Variants in KAZN observed in about 807,000 individuals in gnomAD.
KAZN encodes the protein kazrin, periplakin interacting protein.
Under a neutral mutation model 87.4 loss-of-function variants are expected in KAZN, and 40 were observed. The observed-to-expected ratio is 0.46, with a 90% CI of 0.36 to 0.60. The LOEUF is 0.60. Among genes scored for constraint, KAZN ranks in the 20% least tolerant of loss-of-function variants. The probability of loss-of-function intolerance (pLI) is 0.00; values close to 1 mark genes in which losing one functional copy is unlikely to be tolerated. For missense variants in KAZN, 898 were observed against 1,073.9 expected (o/e 0.84, Z 2.29); for synonymous variants, 466 against 458.3 (o/e 1.02, Z -0.22).
chr1:14,568,457 C>A (rs1674668196), intron 2 of KAZN, among the ~76,000 whole-genome samples: 1 of 152,182 alleles, frequency 6.6e-6, no homozygotes, highest in Admixed American at 6.5e-5. Context: ...GCTTCACAAT[C>A]ATGGTGGAAG....
At chr1:14,416,301 C>A (rs978281918) in intron 2 of KAZN, among the ~76,000 whole-genome samples, 1 of 152,112 alleles carries the variant, frequency 6.6e-6, no homozygotes, top group Non-Finnish European at 1.5e-5. Context: ...GGACTTGGCA[C>A]TGATGGATTG....
chr1:15,018,600 T>TAAAA (rs3037647), intron 2 of KAZN, among the ~76,000 whole-genome samples: 204 of 146,636 alleles, frequency 1.4e-3, no homozygotes, highest in East Asian at 0.011. Flanking sequence ...GGAGTTGATT[T>TAAAA]AAAAAAAAAA....
chr1:14,914,472 C>T (rs958973632), intron 1 of KAZN, among the ~76,000 whole-genome samples: 14 of 152,356 alleles, frequency 9.2e-5, no homozygotes, highest in African/African-American at 2.9e-4. Flanking sequence ...TACACAGGGG[C>T]TCTTACTCTA....
rs115558271 is a variant in KAZN, at chr1:14,416,194, T to C, written c.250-182789T>C. ...CATTCAGGGATTCCCTGGACAGAAT[T>C]AGGAGCTAAGCACCCCCTGATTATG... On this transcript the variant is annotated intron_variant, in intron 2 of 16. Transcript: ENST00000636203. Among the ~76,000 whole-genome samples the C allele has an allele frequency of 8.2e-3, 1,252 of 152,296 alleles. 16 individuals are homozygous for C. Among genetic ancestry groups the C allele is most frequent in the African/African-American group, 0.028 (1,161 of 41,554 alleles).
intron 1 of KAZN, among the ~76,000 whole-genome samples, chr1:14,109,227 T>C (rs1032046325): frequency 6.6e-6 from 1 of 152,214 alleles, no homozygotes; most frequent in African/African-American, 2.4e-5. Flanking sequence ...CAGGTGTTCC[T>C]AGTCCATTCT....
At chr1:14,186,457 A>C (rs922051707) in intron 2 of KAZN, among the ~76,000 whole-genome samples, 11 of 152,148 alleles carry the variant, frequency 7.2e-5, no homozygotes, top group African/African-American at 2.7e-4. Flanking sequence ...AAAAGATAGG[A>C]GAGAGGGTAG....
intron 2 of KAZN, among the ~76,000 whole-genome samples, chr1:14,188,220 TG>T (rs1646351360): frequency 7.1e-6 from 1 of 140,212 alleles, no homozygotes; most frequent in African/African-American, 2.6e-5. Flanking sequence ...TGTGTGTGTG[TG>T]TGTGTGTGTG....
At chr1:14,870,286 G>A (rs1338033724) in intron 1 of KAZN, among the ~76,000 whole-genome samples, 1 of 152,194 alleles carries the variant, frequency 6.6e-6, no homozygotes, top group African/African-American at 2.4e-5. Flanking sequence ...CACTTGCTGT[G>A]TGACTTTGAA....
intron 8 of KAZN, among the ~76,000 whole-genome samples, chr1:15,082,495 A>G (rs1174903894): frequency 1.3e-5 from 2 of 152,210 alleles, no homozygotes; most frequent in Admixed American, 6.5e-5. Flanking sequence ...ATAGTAAAAG[A>G]AGAAAAAAAA....
intron 2 of KAZN, among the ~76,000 whole-genome samples, chr1:14,277,731 A>G (rs1298253884): frequency 6.6e-6 from 1 of 151,326 alleles, no homozygotes; most frequent in Admixed American, 6.6e-5. Flanking sequence ...CTCAGTTTTG[A>G]TATTTATTAA....
At chr1:14,234,802 A>C (rs893718369) in intron 2 of KAZN, among the ~76,000 whole-genome samples, 9 of 152,258 alleles carry the variant, frequency 5.9e-5, no homozygotes, top group Non-Finnish European at 1.3e-4. Context: ...TTGCCTATGC[A>C]ACCTTTTGGC....
Position 15,094,944 on chromosome 1 carries a change from C to G in KAZN, c.1547+11C>G, listed in dbSNP as rs775653981. The G allele has an allele frequency of 4.6e-6, 7 of 1,537,506 alleles. No individual in the cohort carries two copies. The highest frequency in any genetic ancestry group is 1.7e-4 in the Middle Eastern group (1 of 5,862). The stretch of plus-strand genomic sequence containing the variant: ...CGAGGCAGGCCGCAGGTGAGCCCAC[C>G]ACGAGGGGCCCCGGGGGAGGAGAGA... On this transcript the variant is annotated intron_variant, in intron 10 of 14. Coordinates refer to ENST00000376030, the MANE Select transcript of KAZN (RefSeq NM_201628.3). The surrounding 1 kb of genome is among the most constrained non-coding windows in gnomAD (Gnocchi z 4.5).
At chr1:14,270,109 G>A (rs916513942) in intron 2 of KAZN, among the ~76,000 whole-genome samples, 2 of 152,126 alleles carry the variant, frequency 1.3e-5, no homozygotes, top group African/African-American at 4.8e-5. Flanking sequence ...TACCACACTG[G>A]GGGTCAGATT....
chr1:14,086,783 C>G (rs780138813), intron 1 of KAZN, among the ~76,000 whole-genome samples: 2 of 152,026 alleles, frequency 1.3e-5, no homozygotes, highest in African/African-American at 4.8e-5. Context: ...TCCAATTGTT[C>G]GAGGATAATT....
chr1:13,894,643 C>T (rs114220668), intron 1 of KAZN, among the ~76,000 whole-genome samples: 4 of 152,260 alleles, frequency 2.6e-5, no homozygotes, highest in East Asian at 3.9e-4. Flanking sequence ...GATGGTGAGA[C>T]GAGCACTGTA....
At chr1:14,688,320 G>A (rs1433568154) in intron 1 of KAZN, among the ~76,000 whole-genome samples, 1 of 152,200 alleles carries the variant, frequency 6.6e-6, no homozygotes, top group Admixed American at 6.5e-5. Flanking sequence ...AAAAGACAGT[G>A]TTGAGCTAGA....
chr1:14,636,079 C>T (rs186518009), intron 1 of KAZN, among the ~76,000 whole-genome samples: 24 of 152,250 alleles, frequency 1.6e-4, no homozygotes, highest in Admixed American at 1.2e-3. Context: ...CAACTGAAAG[C>T]GGGGAGGACT....
At position 14,793,352 on chromosome 1, in the gene KAZN, C is replaced by T. The variant is rs76397797; in HGVS notation, c.227-167332C>T. Among the ~76,000 whole-genome samples the T allele has an allele frequency of 9.3e-4, 141 of 152,244 alleles. 2 individuals are homozygous for T. In the East Asian group the frequency reaches 0.025, roughly 27 times the overall value. On this transcript the variant is annotated intron_variant, in intron 1 of 14. Coordinates refer to ENST00000376030, the MANE Select transcript of KAZN (RefSeq NM_201628.3). The stretch of plus-strand genomic sequence containing the variant: ...CCTTTAAGATGTTTTTCCACATGCA[C>T]GGCACGTCCTTGTGCTTCGTGGCTG...
intron 1 of KAZN, among the ~76,000 whole-genome samples, chr1:14,168,238 A>G (rs900961504): frequency 2.0e-5 from 3 of 152,180 alleles, no homozygotes; most frequent in African/African-American, 4.8e-5. Flanking sequence ...ATTTTCTTGC[A>G]GCTTCTGTTG....
Sources: allele counts gnomAD v4.1 joint callset (sites outside exome capture counted in the v4.1 genomes callset), GRCh38; gene constraint gnomAD v4.1.1; non-coding constraint Gnocchi (gnomAD v3.1); transcripts MANE v1.5; gene names NCBI Gene and HGNC (gene_info 2026-07-23, HGNC 2026-07-21).